CIZ1: variants seen among roughly 807,000 people sequenced by gnomAD.
The protein encoded by CIZ1 is cip1-interacting zinc finger protein.
A neutral mutation model predicts 118.6 loss-of-function variants in CIZ1; 58 were observed. That is an observed-to-expected ratio of 0.49 (90% confidence interval 0.40 to 0.61). The LOEUF (loss-of-function observed/expected upper bound fraction) is 0.61, where lower values mean the gene tolerates loss of function less well. CIZ1 is among the 20% of genes least tolerant of loss of function. The pLI is 0.00. For missense variants in CIZ1, 921 were observed against 1,115.9 expected, an observed-to-expected ratio of 0.83 and a Z score of 2.49; for synonymous variants, 448 against 443.4, an observed-to-expected ratio of 1.01 and a Z score of -0.13.
rs140429693 is a variant in CIZ1 at position 128,172,891 on chromosome 9, C to T, written c.1944-2784G>A. The stretch of plus-strand genomic sequence containing the variant: ...TTGTAGTCAAAAAAGGCACATCAGC[C>T]ACACAGTGAGAGTACCAGGTTTTAG... On this transcript the variant is annotated intron_variant, in intron 11 of 16. Coordinates refer to ENST00000372938, the MANE Select transcript of CIZ1 (RefSeq NM_001131016.2). 3.4e-4 allele frequency among the ~76,000 whole-genome samples: 52 copies of T among 152,228 alleles called. 1 individual carries two copies. The East Asian group carries it at 9.8e-3, about 29-fold the overall frequency.
upstream of CIZ1, among the ~76,000 whole-genome samples, chr9:128,196,636 GCT>G (rs1428527189): frequency 6.6e-6 from 1 of 151,992 alleles, no homozygotes; most frequent in Non-Finnish European, 1.5e-5. Flanking sequence ...ACAGAGTCTC[GCT>G]CTGTCTTCAG....
chr9:128,170,056 C>G lies in CIZ1; in HGVS notation c.1995G>C (p.Gly665=). ...WCNTCQLYYM[G]DLIQHRRTQD... is the part of the protein sequence containing the mutation. ...GTGTCCTGCGGTGTTGGATCAGGTC[C>G]CCCATGTAGTAGAGCTGGCAGGTGT... Residue 665 remains glycine, a synonymous_variant, in exon 12 of 17, where the codon GGG becomes GGC. Transcript: ENST00000372938. 1.2e-6 allele frequency: 2 copies of G among 1,614,002 alleles called. No individual in the cohort carries two copies. The highest frequency in any genetic ancestry group is 1.7e-6 in the Non-Finnish European group (2 of 1,179,986).
chr9:128,191,819 G>A, upstream of CIZ1: 1 of 1,455,884 alleles, frequency 6.9e-7, no homozygotes, highest in Non-Finnish European at 9.1e-7. This position sits in a 1 kb window ranked among gnomAD's most constrained non-coding sequence, Gnocchi z 5.5. Flanking sequence ...ATCCCGCGGG[G>A]CATCGAGGGG....
chr9:128,203,572 C>G lies in CIZ1; in HGVS notation c.-6+614G>C. 1 of 1,551,156 alleles carries G rather than the reference C, an allele frequency of 6.4e-7. No individual in the cohort carries two copies. Among genetic ancestry groups the G allele is most frequent in the Non-Finnish European group, 8.7e-7 (1 of 1,152,160 alleles). On this transcript the variant is annotated intron_variant, in intron 1 of 17. Transcript: ENST00000372948. This position sits in a 1 kb window ranked among gnomAD's most constrained non-coding sequence, Gnocchi z 5.3. Reference sequence around the variant, plus strand: ...ACGCGGACCTCGACCTGCCGCAGATCGCTGTGGTGGGCGGCCAGAGCGCCG... The same window carrying G: ...ACGCGGACCTCGACCTGCCGCAGATGGCTGTGGTGGGCGGCCAGAGCGCCG...
intron 3 of CIZ1, among the ~76,000 whole-genome samples, chr9:128,190,094 G>A (rs1008363075): frequency 2.0e-5 from 3 of 152,144 alleles, no homozygotes; most frequent in Middle Eastern, 3.2e-3. Flanking sequence ...GCTGAGTATT[G>A]CCCAAAGAGC....
intron 3 of CIZ1, among the ~76,000 whole-genome samples, chr9:128,189,725 CAGG>C (rs1295020688): frequency 2.1e-5 from 3 of 144,396 alleles, no homozygotes; most frequent in Non-Finnish European, 4.5e-5. Context: ...GAAGCTAAGG[CAGG>C]AGAATTGCTT....
At chr9:128,196,575 G>T (rs1205981778), upstream of CIZ1, among the ~76,000 whole-genome samples, 1 of 150,806 alleles carries the variant, frequency 6.6e-6, no homozygotes, top group African/African-American at 2.4e-5. Context: ...GAAAGAAAGA[G>T]AAAAGAAAAG....
At chr9:128,178,301 A>G in intron 9 of CIZ1, 68 bp downstream of exon 9, 1 of 1,534,764 alleles carries the variant, frequency 6.5e-7, no homozygotes, top group Non-Finnish European at 8.8e-7. Context: ...GGCCTGGGGC[A>G]GAAAGAGGCC....
Position 128,185,776 on chromosome 9 carries a change from C to T in CIZ1, c.359G>A (p.Gly120Asp). 6.2e-7 allele frequency: 1 copy of T among 1,611,664 alleles called. No homozygotes were observed. The change falls in exon 5 of 17, where the codon GGT becomes GAT. Residue 120 changes from glycine to aspartate, a missense_variant and splice_region_variant. Gly to Asp is a moderately conservative substitution (Grantham distance 94). Transcript: ENST00000372938. ...AGLTMPTATL[G>D]NLRGYGMASP... is the part of the protein sequence containing the mutation. ...TGCCATGCCATAGCCTCGGAGGTTA[C>T]CTGCAGGCAAGAAGACAGGAGAAGA...
At chr9:128,192,857 G>A (rs1357529490), upstream of CIZ1, among the ~76,000 whole-genome samples, 1 of 152,198 alleles carries the variant, frequency 6.6e-6, no homozygotes, top group Non-Finnish European at 1.5e-5. Context: ...TAGCAATTCC[G>A]GCTCCCTTTT....
intron 1 of CIZ1, chr9:128,199,914 G>A (rs1392638201): frequency 2.7e-5 from 4 of 150,682 alleles, no homozygotes; most frequent in African/African-American, 7.3e-5. Context: ...TCAGCCTCTC[G>A]AGTACCTGGG....
chr9:128,185,312 G>A (rs1243641543), intron 5 of CIZ1, among the ~76,000 whole-genome samples: 3 of 152,150 alleles, frequency 2.0e-5, no homozygotes, highest in African/African-American at 7.2e-5. Context: ...TTAAGTAAAT[G>A]ATAGTACTGG....
At position 128,203,325 on chromosome 9, in the gene CIZ1, C is replaced by T. The variant is rs923919360; in HGVS notation, c.-6+861G>A. The T allele has an allele frequency of 4.2e-5, 29 of 684,678 alleles. No individual in the cohort carries two copies. The African/African-American group carries it at 5.2e-4, about 12-fold the overall frequency. 42.4% of individuals were successfully genotyped at this position (684,678 alleles called of 1,614,324 possible). A position where few individuals can be genotyped will look rare whatever the true frequency, so the allele number is the denominator to read the frequency against. On this transcript the variant is annotated intron_variant, in intron 1 of 17. Transcript: ENST00000372948. This position sits in a 1 kb window ranked among gnomAD's most constrained non-coding sequence, Gnocchi z 5.3. ...CGCCGCGGGCTCCCCCTAGCGGCGT[C>T]CGGGAGCGGTGCTCGCTCCGATCCC...
chr9:128,193,633 G>GA (rs1833303059), upstream of CIZ1, among the ~76,000 whole-genome samples: 1 of 152,190 alleles, frequency 6.6e-6, no homozygotes, highest in South Asian at 2.1e-4. Flanking sequence ...AGAATCGCTT[G>GA]AACCCGGGAG....
rs142432944 is a variant in CIZ1 at position 128,203,587 on chromosome 9, C to T, written c.-6+599G>A. The stretch of plus-strand genomic sequence containing the variant: ...TGCCGCAGATCGCTGTGGTGGGCGG[C>T]CAGAGCGCCGGCAAGAGCTCGGTGC... On this transcript the variant is annotated intron_variant, in intron 1 of 17. Transcript: ENST00000372948. The surrounding 1 kb of genome is among the most constrained non-coding windows in gnomAD (Gnocchi z 5.3). 2.2e-4 allele frequency: 339 copies of T among 1,551,794 alleles called. 1 individual carries two copies. The highest frequency in any genetic ancestry group is 2.8e-4 in the Non-Finnish European group (324 of 1,153,262).
chr9:128,166,732 GAGGACAGGGC>G lies in CIZ1; in HGVS notation c.2487+17_2487+26del, dbSNP rs764076757. On this transcript the variant is annotated intron_variant, in intron 16 of 16. Transcript: ENST00000372938. The surrounding 1 kb of genome is among the most constrained non-coding windows in gnomAD (Gnocchi z 4.4). ...ATTAAGACTAAGTCTGTGGCCAGGG[GAGGACAGGGC>G]AGGATGTCCGGCTCACCTGCAGGTT... 5 of 1,614,110 alleles carry G rather than the reference GAGGACAGGGC, an allele frequency of 3.1e-6. No homozygotes were observed. In the South Asian group the frequency reaches 5.5e-5, roughly 18 times the overall value.
intron 10 of CIZ1, 72 bp downstream of exon 10, chr9:128,177,494 A>T: frequency 9.0e-7 from 1 of 1,111,846 alleles, no homozygotes. Flanking sequence ...AGCCTGAGGC[A>T]TTCTTGGGAG....
Position 128,201,254 on chromosome 9 carries a change from C to T in CIZ1, c.-6+2932G>A, listed in dbSNP as rs188925010. Among the ~76,000 whole-genome samples the T allele has an allele frequency of 3.1e-3, 468 of 149,096 alleles. 4 individuals carry two copies. Among genetic ancestry groups the T allele is most frequent in the Non-Finnish European group, 5.1e-3 (343 of 67,604 alleles). On this transcript the variant is annotated intron_variant, in intron 1 of 17. Coordinates refer to the CIZ1 transcript ENST00000372948. ...CTGCACTCTAGCCTGGGTAACAGAG[C>T]GAGATTCCGTCTCAAAAAACAAACA...
At chr9:128,172,480 G>A (rs188776814) in intron 11 of CIZ1, among the ~76,000 whole-genome samples, 4 of 152,076 alleles carry the variant, frequency 2.6e-5, no homozygotes, top group Admixed American at 6.6e-5. Flanking sequence ...GCAACGGAGC[G>A]AGACTCCCTC....
Sources: allele counts gnomAD v4.1 joint callset (sites outside exome capture counted in the v4.1 genomes callset), GRCh38; gene constraint gnomAD v4.1.1; non-coding constraint Gnocchi (gnomAD v3.1); transcripts MANE v1.5; gene names NCBI Gene and HGNC (gene_info 2026-07-23, HGNC 2026-07-21).